The following CSMD1 variants were observed in gnomAD, a reference collection of about 807,000 sequenced individuals.
CSMD1 encodes the protein CUB and Sushi multiple domains 1.
CSMD1 carries 213 observed loss-of-function variants against 417.5 expected under a neutral mutation model. That is an observed-to-expected ratio of 0.51 (90% CI 0.46 to 0.57). CSMD1 has a LOEUF of 0.57. Among genes scored for constraint, CSMD1 ranks in the 20% least tolerant of loss-of-function variants. The probability of loss-of-function intolerance (pLI) is 0.00; values close to 1 mark genes in which losing one functional copy is unlikely to be tolerated. For missense variants in CSMD1, 6,923 were observed against 4,529.7 expected (o/e 1.53, Z -15.17); for synonymous variants, 2,862 against 1,736.8 (o/e 1.65, Z -16.11).
At chr8:4,593,790 T>A (rs983581902) in intron 2 of CSMD1, among the ~76,000 whole-genome samples, 12 of 152,320 alleles carry the variant, frequency 7.9e-5, no homozygotes, top group African/African-American at 2.6e-4. Flanking sequence ...GCATGCTTAA[T>A]AAAGTTAAAG....
intron 7 of CSMD1, among the ~76,000 whole-genome samples, chr8:3,664,148 C>T (rs1240879350): frequency 2.0e-5 from 3 of 152,118 alleles, no homozygotes; most frequent in Non-Finnish European, 1.5e-5. Flanking sequence ...CGTCATTTAA[C>T]ATTAGGTATT....
chr8:4,569,806 CT>C (rs1027863454), intron 2 of CSMD1, among the ~76,000 whole-genome samples: 5 of 152,150 alleles, frequency 3.3e-5, no homozygotes, highest in Non-Finnish European at 7.4e-5. Flanking sequence ...TTTGTGTCCT[CT>C]TTTATTTCCT....
rs1269457103 is a variant in CSMD1, at chr8:3,232,637, G to T, written c.4154-2406C>A. Among the ~76,000 whole-genome samples the T allele has an allele frequency of 4.6e-5, 7 of 152,154 alleles. No individual in the cohort carries two copies. In the East Asian group the frequency reaches 1.2e-3, roughly 25 times the overall value. On this transcript the variant is annotated intron_variant, in intron 26 of 69. Coordinates refer to ENST00000635120, the MANE Select transcript of CSMD1 (RefSeq NM_033225.6). ...TTCACTTCCAAACAGCATGCAGTTA[G>T]ATTGTCCTTTAAATTCAATCCCAGA... is the stretch of plus-strand genomic sequence containing the variant.
chr8:4,879,689 G>C (rs1215675864), intron 1 of CSMD1, among the ~76,000 whole-genome samples: 1 of 151,866 alleles, frequency 6.6e-6, no homozygotes, highest in Non-Finnish European at 1.5e-5. Flanking sequence ...AGAATCGGGA[G>C]AGGTGGAGCA....
At chr8:4,403,448 G>T (rs1021789674) in intron 3 of CSMD1, among the ~76,000 whole-genome samples, 2 of 152,056 alleles carry the variant, frequency 1.3e-5, no homozygotes, top group African/African-American at 2.4e-5. Context: ...GACTCAAAAT[G>T]TCCTTATCAG....
At position 4,192,180 on chromosome 8, in the gene CSMD1, C is replaced by T. The variant is rs145427542; in HGVS notation, c.416-160081G>A. ...CAATAGGCATGTTATAAAGGCTCAA[C>T]AGATGGCTTTAAAAATCAAAGTTAA... On this transcript the variant is annotated intron_variant, in intron 3 of 69. Transcript: ENST00000635120. Among the ~76,000 whole-genome samples, 569 of 152,246 alleles carry T rather than the reference C, an allele frequency of 3.7e-3. 1 individual carries two copies. Among genetic ancestry groups the T allele is most frequent in the Non-Finnish European group, 6.1e-3 (412 of 68,012 alleles).
At chr8:3,304,946 G>A (rs978973605) in intron 25 of CSMD1, among the ~76,000 whole-genome samples, 1 of 152,058 alleles carries the variant, frequency 6.6e-6, no homozygotes, top group Admixed American at 6.5e-5. Context: ...TAGCATAGAT[G>A]ATTTCTACAA....
intron 2 of CSMD1, among the ~76,000 whole-genome samples, chr8:4,521,050 G>A (rs1803417967): frequency 6.6e-6 from 1 of 152,108 alleles, no homozygotes; most frequent in Non-Finnish European, 1.5e-5. Flanking sequence ...CTTACAGTCA[G>A]AAAATTTATG....
chr8:4,477,810 T>A (rs1447417714), intron 2 of CSMD1, among the ~76,000 whole-genome samples: 1 of 152,210 alleles, frequency 6.6e-6, no homozygotes, highest in Non-Finnish European at 1.5e-5. Context: ...CAGATTTGGT[T>A]AGTATGTGCT....
At chr8:4,178,881 G>A (rs563185572) in intron 3 of CSMD1, among the ~76,000 whole-genome samples, 1 of 152,086 alleles carries the variant, frequency 6.6e-6, no homozygotes, top group Non-Finnish European at 1.5e-5. Flanking sequence ...GGATGAGAAG[G>A]ACCTCTTCAA....
chr8:4,060,024 G>C (rs1436662149), intron 3 of CSMD1, among the ~76,000 whole-genome samples: 1 of 152,130 alleles, frequency 6.6e-6, no homozygotes, highest in Non-Finnish European at 1.5e-5. Flanking sequence ...CCTTGATGAA[G>C]TTTGATGCAA....
At chr8:4,340,869 A>T (rs973577967) in intron 3 of CSMD1, among the ~76,000 whole-genome samples, 3 of 152,036 alleles carry the variant, frequency 2.0e-5, no homozygotes, top group African/African-American at 7.2e-5. Flanking sequence ...TATTTTTGAT[A>T]TTAACTATTA....
intron 3 of CSMD1, among the ~76,000 whole-genome samples, chr8:4,142,061 TG>T (rs1803824836): frequency 1.9e-5 from 2 of 103,388 alleles, no homozygotes; most frequent in African/African-American, 2.7e-5. Context: ...ATATATAAGT[TG>T]AAAAAAAAAT....
chr8:4,583,820 T>G (rs1257593575), intron 2 of CSMD1, among the ~76,000 whole-genome samples: 1 of 152,128 alleles, frequency 6.6e-6, no homozygotes, highest in Non-Finnish European at 1.5e-5. Context: ...CAGCCAGCAG[T>G]GGCAACCCAC....
At chr8:4,662,252 T>G (rs776695691) in intron 1 of CSMD1, among the ~76,000 whole-genome samples, 6 of 152,118 alleles carry the variant, frequency 3.9e-5, no homozygotes, top group Non-Finnish European at 8.8e-5. Context: ...AATACCAAAT[T>G]TAATAAACAT....
intron 6 of CSMD1, among the ~76,000 whole-genome samples, chr8:3,716,579 G>C (rs1801850596): frequency 1.3e-5 from 2 of 152,082 alleles, no homozygotes; most frequent in African/African-American, 4.8e-5. Flanking sequence ...CGGGAGATTT[G>C]CGCCGGCTTC....
In CSMD1 at chr8:3,060,680, A is replaced by G. The variant is rs371936292; in HGVS notation, c.7475-8033T>C. Among the ~76,000 whole-genome samples, 15 of 152,306 alleles carry G rather than the reference A, an allele frequency of 9.8e-5. No homozygotes were observed. In the South Asian group the frequency reaches 2.9e-3, roughly 29 times the overall value. On this transcript the variant is annotated intron_variant, in intron 49 of 69. Coordinates refer to ENST00000635120, the MANE Select transcript of CSMD1 (RefSeq NM_033225.6). ...AACAATCAGGTATTTCAAATCTGAT[A>G]CAGGTGATAGCCCCCATCATGCTTT... is the stretch of plus-strand genomic sequence containing the variant.
chr8:3,278,339 C>A (rs1280556608), intron 26 of CSMD1: 1 of 152,022 alleles, frequency 6.6e-6, no homozygotes. Context: ...CAAATGTGTC[C>A]AAGAAAACAA....
At chr8:3,521,894 T>C (rs139748784) in intron 10 of CSMD1, among the ~76,000 whole-genome samples, 2 of 152,330 alleles carry the variant, frequency 1.3e-5, no homozygotes, top group East Asian at 1.9e-4. Context: ...AATTTTGTGT[T>C]GTCAATAAAA....
Sources: allele counts gnomAD v4.1 joint callset (sites outside exome capture counted in the v4.1 genomes callset), GRCh38; gene constraint gnomAD v4.1.1; transcripts MANE v1.5; gene names NCBI Gene and HGNC (gene_info 2026-07-23, HGNC 2026-07-21).